Variants in SUCO observed in about 807,000 individuals in gnomAD.
The protein encoded by SUCO is SUN domain containing ossification factor.
SUCO carries 57 observed loss-of-function variants against 148.1 expected under a neutral mutation model. That is an observed-to-expected ratio of 0.38 (90% CI 0.31 to 0.48). SUCO has a LOEUF of 0.48. SUCO is among the 20% of genes least tolerant of loss of function. The pLI, the probability that SUCO is intolerant of heterozygous loss-of-function variation, is 0.96. For synonymous variants in SUCO, 470 were observed against 502.7 expected (o/e 0.93, Z 0.87); for missense variants, 1,331 against 1,468.2 (o/e 0.91, Z 1.53).
intron 1 of SUCO, among the ~76,000 whole-genome samples, chr1:172,540,043 A>G (rs997119241): frequency 6.6e-6 from 1 of 152,254 alleles, no homozygotes; most frequent in African/African-American, 2.4e-5. Context: ...AATACTATTC[A>G]GTGTAATATG....
upstream of SUCO, chr1:172,533,143 G>A (rs1035476656): frequency 4.8e-6 from 7 of 1,443,744 alleles, no homozygotes; most frequent in Middle Eastern, 5.1e-4. Context: ...CGGCGGGCGG[G>A]GAGGATATGG....
chr1:172,579,185 A>G lies in SUCO; in HGVS notation c.1433-17A>G, dbSNP rs1350279894. 2.3e-5 allele frequency: 33 copies of G among 1,457,318 alleles called. No homozygotes were observed. The highest frequency in any genetic ancestry group is 3.2e-5 in the Non-Finnish European group (33 of 1,041,898). The allele number at this position is 1,457,318 out of a possible 1,614,324, so 90.3% of individuals were successfully genotyped here. A position where few individuals can be genotyped will look rare whatever the true frequency, so the allele number is the denominator to read the frequency against. ...GCTAGATCTCAGCATAATTACTTTT[A>G]TTTTCGTTTTTAACAGATTATCCAC... On this transcript the variant is annotated splice_polypyrimidine_tract_variant and intron_variant, in intron 14 of 23. Coordinates refer to ENST00000263688, the MANE Select transcript of SUCO (RefSeq NM_014283.5).
At chr1:172,574,129 C>T (rs927284198) in intron 10 of SUCO, 131 bp downstream of exon 10, 46 of 615,724 alleles carry the variant, frequency 7.5e-5, no homozygotes, top group East Asian at 6.6e-4. Context: ...GTAATAACAA[C>T]GATAATACGA....
intron 15 of SUCO, among the ~76,000 whole-genome samples, chr1:172,583,801 T>A (rs554597382): frequency 6.2e-4 from 95 of 152,314 alleles, no homozygotes; most frequent in African/African-American, 2.2e-3. Flanking sequence ...TGAAAGTTAA[T>A]TTCACTTGAA....
chr1:172,585,727 T>A (rs10752995), intron 16 of SUCO, 131 bp from the exon 17 acceptor site: 145,309 of 620,432 alleles, frequency 0.23, 17,997 homozygotes, highest in South Asian at 0.36. Context: ...CTTTGATTTT[T>A]TAAGAAAAAG....
chr1:172,533,205 C>G lies in SUCO; in HGVS notation c.-231C>G. The G allele has an allele frequency of 1.3e-6, 2 of 1,514,906 alleles. No individual in the cohort carries two copies. The highest frequency in any genetic ancestry group is 1.2e-5 in the South Asian group (1 of 81,072). 93.8% of individuals were successfully genotyped at this position (1,514,906 alleles called of 1,614,324 possible). ...GGCGTGGACGAGCCGGTGGCTGCAG[C>G]GGCGGCGGTCCCCGGAGTCCTGTGA... On this transcript the variant is annotated 5_prime_UTR_variant, in exon 1 of 24. Transcript: ENST00000263688.
At chr1:172,561,475 T>C (rs1480491953) in intron 6 of SUCO, among the ~76,000 whole-genome samples, 1 of 152,142 alleles carries the variant, frequency 6.6e-6, no homozygotes, top group Non-Finnish European at 1.5e-5. Context: ...GATGCTATAA[T>C]TTTTGAAATA....
At chr1:172,591,728 C>G (rs1028431730) in intron 19 of SUCO, among the ~76,000 whole-genome samples, 26 of 152,054 alleles carry the variant, frequency 1.7e-4, no homozygotes, top group African/African-American at 6.3e-4. Flanking sequence ...TGAATAGTGC[C>G]ACAGTAAACA....
chr1:172,609,129 G>T, intron 23 of SUCO: 1 of 562,536 alleles, frequency 1.8e-6, no homozygotes, highest in Non-Finnish European at 2.3e-6. Context: ...TTGGATGATT[G>T]TCATTATTTA....
chr1:172,532,804 C>T, upstream of SUCO: 2 of 1,605,686 alleles, frequency 1.2e-6, no homozygotes, highest in Non-Finnish European at 1.7e-6. Context: ...GAAGGGCGGT[C>T]CACTGTAAGG....
At chr1:172,549,888 A>G (rs1653151491) in intron 1 of SUCO, among the ~76,000 whole-genome samples, 1 of 19,806 alleles carries the variant, frequency 5.0e-5, no homozygotes. Flanking sequence ...ACCTTCCTTC[A>G]GGGAAAAAAA....
intron 19 of SUCO, among the ~76,000 whole-genome samples, chr1:172,591,311 A>G (rs1440060115): frequency 6.6e-6 from 1 of 151,980 alleles, no homozygotes. Flanking sequence ...TCTAGGGTAC[A>G]TGTGTACAAC....
At chr1:172,534,478 A>G (rs1368756870) in intron 1 of SUCO, among the ~76,000 whole-genome samples, 1 of 152,226 alleles carries the variant, frequency 6.6e-6, no homozygotes, top group African/African-American at 2.4e-5. Flanking sequence ...TGGATGCCTT[A>G]TGGATTCCAG....
At chr1:172,553,114 C>A in intron 2 of SUCO, 146 bp from the exon 3 acceptor site, 1 of 854,074 alleles carries the variant, frequency 1.2e-6, no homozygotes, top group Non-Finnish European at 1.7e-6. Flanking sequence ...AGACAATAAT[C>A]TTGTATACAA....
chr1:172,564,109 A>G (rs561591479), intron 6 of SUCO, among the ~76,000 whole-genome samples: 8 of 152,390 alleles, frequency 5.2e-5, no homozygotes, highest in African/African-American at 1.9e-4. Context: ...GGATGTATGC[A>G]AATGTCTGGA....
intron 19 of SUCO, among the ~76,000 whole-genome samples, chr1:172,598,038 G>GT (rs981651450): frequency 1.3e-5 from 2 of 152,040 alleles, no homozygotes; most frequent in Non-Finnish European, 2.9e-5. Context: ...TTTTTCCTTT[G>GT]TTTTTTCTAG....
At chr1:172,590,134 T>C (rs1224153340) in intron 18 of SUCO, among the ~76,000 whole-genome samples, 2 of 152,182 alleles carry the variant, frequency 1.3e-5, no homozygotes, top group African/African-American at 4.8e-5. Context: ...AAAAGTACTT[T>C]CCAGTGACAA....
chr1:172,569,226 C>A, intron 7 of SUCO, 84 bp downstream of exon 7: 1 of 1,227,830 alleles, frequency 8.1e-7, no homozygotes, highest in Non-Finnish European at 1.1e-6. Context: ...ATTGGTAAAA[C>A]AAAATAAAAT....
chr1:172,600,248 G>T, intron 20 of SUCO, 80 bp downstream of exon 20: 1 of 1,011,014 alleles, frequency 9.9e-7, no homozygotes, highest in Non-Finnish European at 1.4e-6. Flanking sequence ...ACATGAACAT[G>T]GTACCTAAAA....
Sources: gnomAD v4.1 joint callset for allele counts (sites outside exome capture counted in the v4.1 genomes callset) on GRCh38, gnomAD v4.1.1 for gene constraint, MANE v1.5 for transcripts, NCBI Gene and HGNC (gene_info 2026-07-23, HGNC 2026-07-21) for gene names.